The following ADARB2 variants were observed in gnomAD, a reference collection of about 807,000 sequenced individuals.
The protein encoded by ADARB2 is inactive double-stranded RNA-specific editase B2.
ADARB2 carries 25 observed loss-of-function variants against 62.2 expected under a neutral mutation model. That is an observed-to-expected ratio of 0.40 (90% CI 0.29 to 0.56). ADARB2 has a LOEUF of 0.56. Among genes scored for constraint, ADARB2 ranks in the 20% least tolerant of loss-of-function variants. ADARB2 has a pLI of 0.43. For missense variants in ADARB2, 1,071 were observed against 1,077.4 expected, an observed-to-expected ratio of 0.99 and a Z score of 0.08; for synonymous variants, 572 against 500.8, an observed-to-expected ratio of 1.14 and a Z score of -1.90.
At chr10:1,339,436 G>A (rs1832003058) in intron 3 of ADARB2, among the ~76,000 whole-genome samples, 1 of 152,248 alleles carries the variant, frequency 6.6e-6, no homozygotes, top group African/African-American at 2.4e-5. Flanking sequence ...AATAGGTTGT[G>A]AGGAGGTGGA....
chr10:1,361,096 C>T (rs1053517234), intron 3 of ADARB2: 7 of 152,198 alleles, frequency 4.6e-5, no homozygotes, highest in Non-Finnish European at 1.0e-4. Flanking sequence ...GGTGGTGGGG[C>T]TTCTCAGAGG....
intron 1 of ADARB2, among the ~76,000 whole-genome samples, chr10:1,439,015 G>A (rs1216917183): frequency 2.6e-5 from 1 of 38,842 alleles, no homozygotes; most frequent in Admixed American, 2.7e-4. Context: ...ATGGAGGCAG[G>A]TTCTTCACTA....
At chr10:1,509,936 C>T (rs527642332) in intron 1 of ADARB2, among the ~76,000 whole-genome samples, 1 of 152,306 alleles carries the variant, frequency 6.6e-6, no homozygotes, top group Admixed American at 6.5e-5. Flanking sequence ...TGCTTTAATG[C>T]TTGCATTGCT....
intron 1 of ADARB2, among the ~76,000 whole-genome samples, chr10:1,674,508 C>A (rs1193205874): frequency 6.6e-6 from 1 of 152,198 alleles, no homozygotes; most frequent in Non-Finnish European, 1.5e-5. Context: ...AAAGCGTATA[C>A]AGCCTAGCAT....
intron 1 of ADARB2, among the ~76,000 whole-genome samples, chr10:1,616,913 G>C (rs1275092803): frequency 6.7e-6 from 1 of 149,520 alleles, no homozygotes; most frequent in African/African-American, 2.5e-5. Flanking sequence ...CTAGATGTTT[G>C]TGTGCCCGTC....
At chr10:1,569,441 G>A (rs1832907173) in intron 1 of ADARB2, among the ~76,000 whole-genome samples, 1 of 152,188 alleles carries the variant, frequency 6.6e-6, no homozygotes, top group African/African-American at 2.4e-5. Context: ...TGGGCAGTTG[G>A]GGAGCAATCC....
At chr10:1,229,862 G>GTGTGTGTGTA (rs149074965) in intron 6 of ADARB2, among the ~76,000 whole-genome samples, 3 of 151,488 alleles carry the variant, frequency 2.0e-5, no homozygotes, top group African/African-American at 4.9e-5. Flanking sequence ...GTGTGTGTGT[G>GTGTGTGTGTA]TGTGTGGGTA....
chr10:1,234,209 G>C (rs750794575), intron 5 of ADARB2, among the ~76,000 whole-genome samples: 2 of 151,782 alleles, frequency 1.3e-5, no homozygotes, highest in Non-Finnish European at 2.9e-5. Context: ...GGTTTGTCTT[G>C]AACTCCCAGC....
intron 2 of ADARB2, among the ~76,000 whole-genome samples, chr10:1,369,660 T>G (rs4880500): frequency 1.3e-5 from 2 of 152,008 alleles, no homozygotes; most frequent in Non-Finnish European, 2.9e-5. Context: ...ATAAAATACA[T>G]TTTAAAAAGT....
chr10:1,526,747 A>G, intron 1 of ADARB2: 2 of 404,560 alleles, frequency 4.9e-6, no homozygotes, highest in African/African-American at 2.1e-5. Context: ...CCTTTCTAGC[A>G]ACACACACGG....
chr10:1,690,541 T>G (rs1359727781), intron 1 of ADARB2, among the ~76,000 whole-genome samples: 3 of 152,134 alleles, frequency 2.0e-5, no homozygotes, highest in Non-Finnish European at 2.9e-5. Flanking sequence ...TCGTTGCCAG[T>G]CCTTCTACAG....
At chr10:1,453,613 G>T (rs563735669) in intron 1 of ADARB2, among the ~76,000 whole-genome samples, 1 of 151,996 alleles carries the variant, frequency 6.6e-6, no homozygotes, top group Admixed American at 6.6e-5. Context: ...GATACGAATT[G>T]GTTTCTAGAC....
chr10:1,659,952 C>T lies in ADARB2; in HGVS notation c.100+77099G>A, dbSNP rs553593440. Among the ~76,000 whole-genome samples the T allele has an allele frequency of 9.9e-5, 15 of 151,372 alleles. No homozygotes were observed. The South Asian group carries it at 2.9e-3, about 30-fold the overall frequency. ...TCCATTGCCTGCCCTGCCTGGGCGA[C>T]CCATCATGCTGCTTCTGGGTTCATC... On this transcript the variant is annotated intron_variant, in intron 1 of 9. Coordinates refer to ENST00000381312, the MANE Select transcript of ADARB2 (RefSeq NM_018702.4).
intron 1 of ADARB2, among the ~76,000 whole-genome samples, chr10:1,470,267 G>A (rs560758910): frequency 6.6e-6 from 1 of 152,322 alleles, no homozygotes; most frequent in South Asian, 2.1e-4. Context: ...TGCCTTCGAG[G>A]TCATGATGTG....
chr10:1,342,131 C>T (rs960284546), intron 3 of ADARB2, among the ~76,000 whole-genome samples: 1 of 152,256 alleles, frequency 6.6e-6, no homozygotes, highest in Admixed American at 6.5e-5. Context: ...TCCCAACCTC[C>T]TGCTCACTCT....
At chr10:1,285,795 A>T (rs1831407576) in intron 3 of ADARB2, among the ~76,000 whole-genome samples, 1 of 152,220 alleles carries the variant, frequency 6.6e-6, no homozygotes, top group African/African-American at 2.4e-5. Flanking sequence ...TAATATTTTG[A>T]ATGGCATGAA....
At chr10:1,449,024 G>C (rs779124861) in intron 1 of ADARB2, among the ~76,000 whole-genome samples, 22 of 152,124 alleles carry the variant, frequency 1.4e-4, no homozygotes, top group Non-Finnish European at 2.6e-4. Flanking sequence ...GGGAGAAAAG[G>C]GTTCTGGGTA....
chr10:1,574,822 C>A (rs540734091), intron 1 of ADARB2, among the ~76,000 whole-genome samples: 7 of 152,276 alleles, frequency 4.6e-5, no homozygotes, highest in African/African-American at 1.7e-4. Flanking sequence ...CACATACAGC[C>A]TGGAAGAGGC....
intron 7 of ADARB2, among the ~76,000 whole-genome samples, chr10:1,207,407 C>T (rs1837083392): frequency 6.6e-6 from 1 of 152,116 alleles, no homozygotes; most frequent in South Asian, 2.1e-4. Context: ...ACTGGGGGAA[C>T]TTGGGGTTCG....
Sources: gnomAD v4.1 joint callset for allele counts (sites outside exome capture counted in the v4.1 genomes callset) on GRCh38, gnomAD v4.1.1 for gene constraint, MANE v1.5 for transcripts, NCBI Gene and HGNC (gene_info 2026-07-23, HGNC 2026-07-21) for gene names.